EPHB2: variants seen among roughly 807,000 people sequenced by gnomAD.
EPHB2 encodes the protein EPH receptor B2, also known as ephrin type-B receptor 2.
A neutral mutation model predicts 96.4 loss-of-function variants in EPHB2; 18 were observed. That is an observed-to-expected ratio of 0.19 (90% CI 0.13 to 0.28). The LOEUF (loss-of-function observed/expected upper bound fraction) is 0.28, where lower values mean the gene tolerates loss of function less well. Ranked by LOEUF, EPHB2 falls within the 10% of genes least tolerant of loss-of-function variation. EPHB2 has a pLI of 1.00. For synonymous variants in EPHB2, 506 were observed against 534.1 expected, an observed-to-expected ratio of 0.95 and a Z score of 0.72; for missense variants, 989 against 1,355.4, an observed-to-expected ratio of 0.73 and a Z score of 4.25.
intron 1 of EPHB2, among the ~76,000 whole-genome samples, chr1:22,712,511 G>A (rs1643180864): frequency 6.6e-6 from 1 of 152,194 alleles, no homozygotes; most frequent in South Asian, 2.1e-4. Flanking sequence ...GAAAGGCGTC[G>A]TGGGGGACCC....
chr1:22,839,629 T>C (rs553684433), intron 3 of EPHB2, among the ~76,000 whole-genome samples: 74 of 152,180 alleles, frequency 4.9e-4, no homozygotes, highest in African/African-American at 1.7e-3. Flanking sequence ...GAAAGGACAT[T>C]GAAATCAGCA....
chr1:22,857,486 G>A (rs1234521131), intron 3 of EPHB2, among the ~76,000 whole-genome samples: 4 of 152,120 alleles, frequency 2.6e-5, no homozygotes, highest in African/African-American at 9.7e-5. Context: ...GGAGCTGCAA[G>A]CAGATGAGAG....
At chr1:22,888,658 A>G (rs1639300726) in intron 6 of EPHB2, among the ~76,000 whole-genome samples, 1 of 152,190 alleles carries the variant, frequency 6.6e-6, no homozygotes, top group East Asian at 1.9e-4. Flanking sequence ...AAGGTACCCC[A>G]GGGAGAGGAG....
Position 22,733,668 on chromosome 1 carries a change from C to T in EPHB2, c.61+22625C>T, listed in dbSNP as rs1378141392. On this transcript the variant is annotated intron_variant, in intron 1 of 15. Coordinates refer to ENST00000374630, the MANE Select transcript of EPHB2 (RefSeq NM_017449.5). This position sits in a 1 kb window ranked among gnomAD's most constrained non-coding sequence, Gnocchi z 4.6. ...AATCTCTGAGAGGTTCAGTAAATTG[C>T]CCAAGGCCACATAGCCAGTAAGGGG... 6.6e-6 allele frequency among the ~76,000 whole-genome samples: 1 copy of T among 152,144 alleles called. No individual in the cohort carries two copies. The highest frequency in any genetic ancestry group is 1.5e-5 in the Non-Finnish European group (1 of 68,034).
In EPHB2 at chr1:22,865,225, G is replaced by A. The variant is rs143091586; in HGVS notation, c.1303+13G>A. 3.6e-3 allele frequency: 5,733 copies of A among 1,614,136 alleles called. 14 individuals carry two copies. Among genetic ancestry groups the A allele is most frequent in the Non-Finnish European group, 4.5e-3 (5,284 of 1,180,010 alleles). ...ACCAACCAGGCAGGTAAGTGCTTCC[G>A]ACGTGGGCCAGGGGAGTGCCCCATC... is the stretch of plus-strand genomic sequence containing the variant. On this transcript the variant is annotated intron_variant, in intron 5 of 15. Coordinates refer to ENST00000374630, the MANE Select transcript of EPHB2 (RefSeq NM_017449.5).
chr1:22,813,144 T>C lies in EPHB2; in HGVS notation c.811+28068T>C, dbSNP rs187655367. On this transcript the variant is annotated intron_variant, in intron 3 of 15. Transcript: ENST00000374630. ...CTAGTACTTTTCTGTTTACAAAGCA[T>C]ATCTAGACCCTTCAACTTGCCAGTC... 2.9e-4 allele frequency among the ~76,000 whole-genome samples: 44 copies of C among 152,358 alleles called. No homozygotes were observed. The Middle Eastern group carries it at 0.014, about 47-fold the overall frequency.
rs546400858 is a variant in EPHB2 at position 22,898,294 on chromosome 1, G to A, written c.1765+1816G>A. 9.9e-5 allele frequency among the ~76,000 whole-genome samples: 15 copies of A among 152,152 alleles called. No homozygotes were observed. The East Asian group carries it at 1.7e-3, about 18-fold the overall frequency. Reference sequence around the variant, plus strand: ...GGATCAGGGTGGCGTTTTTAAATAGGACAGCTTGGGTTGGCCTCACTGACA... The same window carrying A: ...GGATCAGGGTGGCGTTTTTAAATAGAACAGCTTGGGTTGGCCTCACTGACA... On this transcript the variant is annotated intron_variant, in intron 9 of 15. Transcript: ENST00000374630.
rs149014913 is a variant in EPHB2, at chr1:22,865,149, G to A, written c.1240G>A (p.Val414Ile). Residue 414 changes from valine to isoleucine, a missense_variant, in exon 5 of 16, where the codon GTT (valine) becomes ATT (isoleucine). Coordinates refer to ENST00000374630, the MANE Select transcript of EPHB2 (RefSeq NM_017449.5). ...YTFEIQAVNG[V>I]TDQSPFSPQF... ...CTTCGAGATCCAGGCTGTGAACGGCGTTACTGACCAGAGCCCCTTCTCGCC... is the reference window on the plus strand; with the variant it reads ...CTTCGAGATCCAGGCTGTGAACGGCATTACTGACCAGAGCCCCTTCTCGCC... The A allele has an allele frequency of 3.5e-5, 56 of 1,614,178 alleles. No individual in the cohort carries two copies. The Middle Eastern group carries it at 4.9e-4, about 14-fold the overall frequency.
In EPHB2 at chr1:22,895,537, G is replaced by A. The variant is rs1034627873; in HGVS notation, c.1657G>A (p.Val553Ile). The change falls in exon 8 of 16, where the codon GTC (valine) becomes ATC (isoleucine). Residue 553 changes from valine (V) to isoleucine (I), a missense_variant. Transcript: ENST00000374630. Reference protein sequence around the residue: ...LIIGSSAAGLVFLIAVVVIAI... With the variant: ...LIIGSSAAGLIFLIAVVVIAI... Reference sequence around the variant, plus strand: ...CATCGGCTCCTCGGCCGCTGGCCTGGTCTTCCTCATTGCTGTGGTTGTCAT... The same window carrying A: ...CATCGGCTCCTCGGCCGCTGGCCTGATCTTCCTCATTGCTGTGGTTGTCAT... 3.1e-6 allele frequency: 5 copies of A among 1,614,278 alleles called. No homozygotes were observed. The highest frequency in any genetic ancestry group is 4.2e-6 in the Non-Finnish European group (5 of 1,180,048).
chr1:22,861,965 T>C (rs950965538), intron 3 of EPHB2, among the ~76,000 whole-genome samples: 2 of 152,180 alleles, frequency 1.3e-5, no homozygotes, highest in Non-Finnish European at 2.9e-5. Context: ...GATGAAATGT[T>C]TGTTGCAAAG....
intron 3 of EPHB2, among the ~76,000 whole-genome samples, chr1:22,813,444 C>T (rs994181150): frequency 6.6e-6 from 1 of 152,058 alleles, no homozygotes; most frequent in Non-Finnish European, 1.5e-5. Flanking sequence ...GGGAAAAAAG[C>T]TCAAGGCCTT....
intron 1 of EPHB2, among the ~76,000 whole-genome samples, chr1:22,760,292 C>T (rs748738476): frequency 2.6e-5 from 4 of 152,082 alleles, no homozygotes; most frequent in African/African-American, 4.8e-5. Context: ...ACCTTGTAGC[C>T]AGGTCCTGAA....
chr1:22,756,283 G>A (rs528075644), intron 1 of EPHB2, among the ~76,000 whole-genome samples: 2 of 152,280 alleles, frequency 1.3e-5, no homozygotes, highest in Admixed American at 6.5e-5. Flanking sequence ...GTGTGGCTGC[G>A]GTTTCAGGAT....
chr1:22,828,114 C>T (rs1645250601), intron 3 of EPHB2, among the ~76,000 whole-genome samples: 1 of 152,216 alleles, frequency 6.6e-6, no homozygotes, highest in Non-Finnish European at 1.5e-5. Flanking sequence ...AGCCCTGGGC[C>T]ACTGATGGGC....
chr1:22,868,744 G>A (rs1638564159), intron 5 of EPHB2, among the ~76,000 whole-genome samples: 1 of 152,158 alleles, frequency 6.6e-6, no homozygotes, highest in Middle Eastern at 3.2e-3. Flanking sequence ...CAGTGAGTGG[G>A]CCCTGCAGAT....
intron 3 of EPHB2, among the ~76,000 whole-genome samples, chr1:22,830,064 G>T (rs903251886): frequency 6.6e-6 from 1 of 152,176 alleles, no homozygotes; most frequent in Non-Finnish European, 1.5e-5. Context: ...TGGTGGGAAG[G>T]GGGGACTAGG....
At position 22,875,128 on chromosome 1, in the gene EPHB2, C is replaced by T. The variant is rs1295133447; in HGVS notation, c.1304-7231C>T. Among the ~76,000 whole-genome samples the T allele has an allele frequency of 1.3e-5, 2 of 152,142 alleles. No individual in the cohort carries two copies. The highest frequency in any genetic ancestry group is 3.9e-4 in the East Asian group (2 of 5,190). On this transcript the variant is annotated intron_variant, in intron 5 of 15. Transcript: ENST00000374630. This position sits in a 1 kb window ranked among gnomAD's most constrained non-coding sequence, Gnocchi z 4.2. ...TGTCCCATACCACTCTCTAAGAGGC[C>T]CATCAGAAAGAATCAAAGGCCCACT...
At chr1:22,806,125 G>C (rs953811014) in intron 3 of EPHB2, among the ~76,000 whole-genome samples, 4 of 152,246 alleles carry the variant, frequency 2.6e-5, no homozygotes, top group Non-Finnish European at 5.9e-5. Flanking sequence ...GAATGCTAGA[G>C]ACTCCAGCCA....
rs763859817 is a variant in EPHB2, at chr1:22,906,874, C to A, written c.2053C>A (p.Leu685Met). The change falls in exon 11 of 16, where the codon CTG becomes ATG. Residue 685 changes from leucine (L) to methionine (M), a missense_variant. Coordinates refer to ENST00000374630, the MANE Select transcript of EPHB2 (RefSeq NM_017449.5). The surrounding 1 kb of genome is among the most constrained non-coding windows in gnomAD (Gnocchi z 4.8). ...GQFDHPNVIHLEGVVTKSTPV... is the reference protein window; with the variant it reads ...GQFDHPNVIHMEGVVTKSTPV... ...GTTCGACCATCCCAACGTCATCCACCTGGAGGGTGTCGTGACCAAGAGCAC... is the reference window on the plus strand; with the variant it reads ...GTTCGACCATCCCAACGTCATCCACATGGAGGGTGTCGTGACCAAGAGCAC... 9.3e-6 allele frequency: 15 copies of A among 1,614,234 alleles called. No homozygotes were observed. Among genetic ancestry groups the A allele is most frequent in the Non-Finnish European group, 1.3e-5 (15 of 1,180,046 alleles).
Sources: gnomAD v4.1 joint callset for allele counts (sites outside exome capture counted in the v4.1 genomes callset) on GRCh38, gnomAD v4.1.1 for gene constraint, Gnocchi (gnomAD v3.1) non-coding constraint, MANE v1.5 for transcripts, NCBI Gene and HGNC (gene_info 2026-07-23, HGNC 2026-07-21) for gene names.